CHN1: variants seen among roughly 807,000 people sequenced by gnomAD.
CHN1 encodes chimerin 1.
A neutral mutation model predicts 59.5 loss-of-function variants in CHN1; 37 were observed. The ratio of observed to expected loss-of-function variants is 0.62; its 90% CI spans 0.48 to 0.82. The LOEUF is 0.82. CHN1 is among the 40% of genes least tolerant of loss of function. CHN1 has a pLI of 0.00. For synonymous variants in CHN1, 206 were observed against 200.4 expected, an observed-to-expected ratio of 1.03 and a Z score of -0.24; for missense variants, 469 against 571.0, an observed-to-expected ratio of 0.82 and a Z score of 1.82.
chr2:175,000,449 G>T (rs901330615), intron 1 of CHN1, among the ~76,000 whole-genome samples: 2 of 150,782 alleles, frequency 1.3e-5, no homozygotes, highest in Admixed American at 6.6e-5. Flanking sequence ...GATTTTTTTT[G>T]TTTGTTTGTT....
intron 6 of CHN1, among the ~76,000 whole-genome samples, chr2:174,863,126 A>G (rs1687117270): frequency 6.6e-6 from 1 of 152,224 alleles, no homozygotes; most frequent in Non-Finnish European, 1.5e-5. Flanking sequence ...AAGATCAATG[A>G]TGATACTAAC....
intron 3 of CHN1, among the ~76,000 whole-genome samples, chr2:174,930,438 C>A (rs1274396246): frequency 6.6e-6 from 1 of 152,084 alleles, no homozygotes; most frequent in Non-Finnish European, 1.5e-5. Context: ...CAGGGTGTTA[C>A]CGGTGGGCTT....
chr2:174,879,614 T>G (rs1687672999), intron 5 of CHN1, among the ~76,000 whole-genome samples: 1 of 152,216 alleles, frequency 6.6e-6, no homozygotes, highest in Non-Finnish European at 1.5e-5. Flanking sequence ...TTTTTCAGTT[T>G]AATATACTGC....
intron 8 of CHN1, among the ~76,000 whole-genome samples, chr2:174,813,490 T>TG (rs1199143344): frequency 3.3e-5 from 5 of 152,320 alleles, no homozygotes; most frequent in African/African-American, 1.2e-4. Context: ...TAATTTTACT[T>TG]GGTTATAACT....
chr2:174,967,733 C>G (rs1435465053), intron 1 of CHN1, among the ~76,000 whole-genome samples: 1 of 152,198 alleles, frequency 6.6e-6, no homozygotes, highest in Non-Finnish European at 1.5e-5. Flanking sequence ...TAACCCTCAC[C>G]TCCTTCAGCA....
At chr2:174,968,354 G>A (rs1324137191) in intron 1 of CHN1, among the ~76,000 whole-genome samples, 1 of 152,244 alleles carries the variant, frequency 6.6e-6, no homozygotes, top group Non-Finnish European at 1.5e-5. Flanking sequence ...ATTATAAACT[G>A]TAGAGCCAAA....
intron 8 of CHN1, among the ~76,000 whole-genome samples, chr2:174,823,704 C>T (rs990379145): frequency 1.3e-4 from 20 of 151,910 alleles, no homozygotes; most frequent in African/African-American, 4.8e-4. Flanking sequence ...GGATAAATGG[C>T]CAGTATTCAG....
intron 9 of CHN1, 22 bp from the exon 10 acceptor site, chr2:174,811,610 T>G: frequency 6.8e-7 from 1 of 1,469,262 alleles, no homozygotes; most frequent in Non-Finnish European, 9.4e-7. Flanking sequence ...AACTAGTTAG[T>G]TTCTTTGAAT....
intron 7 of CHN1, among the ~76,000 whole-genome samples, chr2:174,844,408 C>T (rs1686429050): frequency 6.6e-6 from 1 of 152,276 alleles, no homozygotes; most frequent in South Asian, 2.1e-4. Flanking sequence ...TAAGGTTTGA[C>T]AGCTGTTCGA....
At chr2:174,854,184 A>G (rs1686830429) in intron 6 of CHN1, among the ~76,000 whole-genome samples, 1 of 152,132 alleles carries the variant, frequency 6.6e-6, no homozygotes, top group African/African-American at 2.4e-5. Flanking sequence ...TATTTTTCTC[A>G]TTTTAATACT....
rs746125302 is a variant in CHN1 at position 174,878,007 on chromosome 2, T to A, written c.382A>T (p.Thr128Ser). The stretch of plus-strand genomic sequence containing the variant: ...TTGGCAATGTATTCTGCTGCCTTGG[T>A]TTCAATATAGAGAGTAATCAAGCCA... ...TDGLITLYIE[T>S]KAAEYIAKMT... The change falls in exon 6 of 13, where the codon ACC becomes TCC. Residue 128 changes from threonine (T) to serine (S), a missense_variant. Physicochemically the swap from Thr to Ser is moderately conservative, Grantham distance 58. Coordinates refer to ENST00000409900, the MANE Select transcript of CHN1 (RefSeq NM_001822.7). The A allele has an allele frequency of 1.9e-6, 3 of 1,613,876 alleles. No individual in the cohort carries two copies. Among genetic ancestry groups the A allele is most frequent in the Non-Finnish European group, 2.5e-6 (3 of 1,179,820 alleles).
intron 4 of CHN1, 45 bp from the exon 5 acceptor site, chr2:174,915,216 C>T (rs1210021093): frequency 6.9e-7 from 1 of 1,444,202 alleles, no homozygotes; most frequent in Non-Finnish European, 9.6e-7. Flanking sequence ...CTACATTTTT[C>T]AATAAAACAA....
rs549449450 is a variant in CHN1 at position 174,827,401 on chromosome 2, T to C, written c.628-2883A>G. Among the ~76,000 whole-genome samples the C allele has an allele frequency of 2.0e-5, 3 of 152,276 alleles. No homozygotes were observed. The East Asian group carries it at 5.8e-4, about 29-fold the overall frequency. ...AGAAGCTGGGAAGAGACGCAACCCA[T>C]GAGCTAAGTCCTGAGTTGAAAATCA... On this transcript the variant is annotated intron_variant, in intron 7 of 12. Transcript: ENST00000409900.
At chr2:174,916,220 G>A (rs960094643) in intron 4 of CHN1, among the ~76,000 whole-genome samples, 3 of 152,102 alleles carry the variant, frequency 2.0e-5, no homozygotes, top group South Asian at 2.1e-4. Context: ...TTACCTTCCC[G>A]TAAATGGCCA....
At chr2:174,816,903 T>A (rs902487828) in intron 8 of CHN1, among the ~76,000 whole-genome samples, 3 of 152,034 alleles carry the variant, frequency 2.0e-5, no homozygotes, top group African/African-American at 7.2e-5. Context: ...GGTCACAGAT[T>A]GAGTCAGAAA....
At chr2:174,873,020 C>CTT (rs11453791) in intron 6 of CHN1, among the ~76,000 whole-genome samples, 5,204 of 147,744 alleles carry the variant, frequency 0.035, 303 homozygotes, top group African/African-American at 0.12. Context: ...CTAATATATA[C>CTT]TTTTTTTTTT....
At chr2:174,919,858 C>T (rs1490057832) in intron 3 of CHN1, among the ~76,000 whole-genome samples, 1 of 151,910 alleles carries the variant, frequency 6.6e-6, no homozygotes, top group Non-Finnish European at 1.5e-5. Context: ...CTAAGTTGTA[C>T]AACAGCTCTT....
At chr2:174,894,635 G>A (rs1220600523) in intron 5 of CHN1, among the ~76,000 whole-genome samples, 1 of 152,088 alleles carries the variant, frequency 6.6e-6, no homozygotes, top group Non-Finnish European at 1.5e-5. Flanking sequence ...CTATTCAAAA[G>A]GATAGAAAAC....
At chr2:174,908,409 C>G (rs907708437) in intron 5 of CHN1, among the ~76,000 whole-genome samples, 28 of 152,152 alleles carry the variant, frequency 1.8e-4, no homozygotes, top group Admixed American at 1.6e-3. Context: ...AAATGTAACC[C>G]TATTGTCTTC....
Sources: allele counts gnomAD v4.1 joint callset (sites outside exome capture counted in the v4.1 genomes callset), GRCh38; gene constraint gnomAD v4.1.1; transcripts MANE v1.5; gene names NCBI Gene and HGNC (gene_info 2026-07-23, HGNC 2026-07-21).